The following TRPS1 variants were observed in gnomAD, a reference collection of about 807,000 sequenced individuals.
The protein encoded by TRPS1 is zinc finger transcription factor Trps1.
A neutral mutation model predicts 101.2 loss-of-function variants in TRPS1; 6 were observed. That is an observed-to-expected ratio of 0.06 (90% CI 0.03 to 0.12). The LOEUF (loss-of-function observed/expected upper bound fraction) is 0.12. TRPS1 is among the 10% of genes least tolerant of loss of function. TRPS1 has a pLI of 1.00. For missense variants in TRPS1, 1,363 were observed against 1,567.0 expected (o/e 0.87, Z 2.20); for synonymous variants, 578 against 589.8 (o/e 0.98, Z 0.29).
chr8:115,642,819 T>C (rs1419864447), intron 1 of TRPS1, among the ~76,000 whole-genome samples: 1 of 138,346 alleles, frequency 7.2e-6, no homozygotes, highest in Non-Finnish European at 1.5e-5. Context: ...TTTTATCTGA[T>C]AATAAAAGCA....
intron 3 of TRPS1, among the ~76,000 whole-genome samples, chr8:115,609,696 A>T (rs997150664): frequency 6.6e-6 from 1 of 152,188 alleles, no homozygotes; most frequent in Admixed American, 6.5e-5. Context: ...ATATAAAAAC[A>T]CCTAAAACAA....
At chr8:115,457,376 T>C (rs889544526) in intron 5 of TRPS1, among the ~76,000 whole-genome samples, 1 of 152,132 alleles carries the variant, frequency 6.6e-6, no homozygotes, top group Non-Finnish European at 1.5e-5. Context: ...GACAAGTATA[T>C]AGGATTCCAC....
At chr8:115,644,668 C>CA (rs1818980761) in intron 1 of TRPS1, among the ~76,000 whole-genome samples, 4 of 152,232 alleles carry the variant, frequency 2.6e-5, no homozygotes, top group Admixed American at 1.3e-4. Context: ...CCATGTGGCA[C>CA]AAGAGGCCTA....
At chr8:115,608,715 C>T (rs1818095594) in intron 3 of TRPS1, among the ~76,000 whole-genome samples, 1 of 151,598 alleles carries the variant, frequency 6.6e-6, no homozygotes, top group African/African-American at 2.4e-5. Flanking sequence ...CATAGCCTTC[C>T]TTGGCCAATA....
intron 3 of TRPS1, among the ~76,000 whole-genome samples, chr8:115,606,068 C>G (rs770864220): frequency 1.3e-5 from 2 of 152,182 alleles, no homozygotes; most frequent in African/African-American, 2.4e-5. Flanking sequence ...ATATATTAAG[C>G]AAGTGGCATA....
At chr8:115,476,546 C>T (rs985787924) in intron 5 of TRPS1, among the ~76,000 whole-genome samples, 1 of 152,136 alleles carries the variant, frequency 6.6e-6, no homozygotes, top group African/African-American at 2.4e-5. Flanking sequence ...CAACATATAG[C>T]CTGTGGCTCG....
chr8:115,445,794 G>T (rs1349277373), intron 5 of TRPS1, among the ~76,000 whole-genome samples: 1 of 151,906 alleles, frequency 6.6e-6, no homozygotes, highest in African/African-American at 2.4e-5. Flanking sequence ...AATTACTAAG[G>T]TAATACCTTA....
At chr8:115,550,350 G>A (rs1816674674) in intron 5 of TRPS1, among the ~76,000 whole-genome samples, 1 of 152,196 alleles carries the variant, frequency 6.6e-6, no homozygotes, top group African/African-American at 2.4e-5. Context: ...TCTTAAGTCA[G>A]ATACTGGTGG....
chr8:115,587,647 AG>A, intron 4 of TRPS1, 43 bp from the exon 5 acceptor site: 1 of 1,612,758 alleles, frequency 6.2e-7, no homozygotes, highest in South Asian at 1.1e-5. Context: ...AGCGTTCTGA[AG>A]GGTTGTTTTA....
At chr8:115,536,695 A>G (rs917296764) in intron 5 of TRPS1, among the ~76,000 whole-genome samples, 1 of 151,814 alleles carries the variant, frequency 6.6e-6, no homozygotes, top group African/African-American at 2.4e-5. Context: ...CCTGTTCACT[A>G]TCATCATCCC....
intron 5 of TRPS1, among the ~76,000 whole-genome samples, chr8:115,460,150 T>C (rs1814131179): frequency 1.3e-5 from 2 of 152,080 alleles, no homozygotes; most frequent in East Asian, 1.9e-4. Flanking sequence ...GACTTACACA[T>C]AGTGTTCAAT....
intron 1 of TRPS1, among the ~76,000 whole-genome samples, chr8:115,633,235 T>C (rs1818690126): frequency 6.6e-6 from 1 of 151,794 alleles, no homozygotes; most frequent in Non-Finnish European, 1.5e-5. Context: ...ACAAAAGGGA[T>C]TTCAAAGGGT....
intron 2 of TRPS1, among the ~76,000 whole-genome samples, chr8:115,622,462 T>G (rs761343824): frequency 6.6e-6 from 1 of 152,196 alleles, no homozygotes; most frequent in Non-Finnish European, 1.5e-5. Context: ...GGTTTTAACT[T>G]GGTCTACAGA....
At chr8:115,615,567 T>C (rs1224633719) in intron 3 of TRPS1, among the ~76,000 whole-genome samples, 1 of 152,138 alleles carries the variant, frequency 6.6e-6, no homozygotes. Context: ...GAGACCAGCC[T>C]GGCCAATATG....
intron 1 of TRPS1, among the ~76,000 whole-genome samples, chr8:115,632,494 GCA>G (rs150875542): frequency 1.3e-5 from 2 of 151,086 alleles, no homozygotes; most frequent in Non-Finnish European, 3.0e-5. Context: ...AAACACACGT[GCA>G]CACACACACA....
At chr8:115,430,929 A>C (rs938828153) in intron 5 of TRPS1, among the ~76,000 whole-genome samples, 12 of 152,024 alleles carry the variant, frequency 7.9e-5, no homozygotes, top group Admixed American at 2.0e-4. Flanking sequence ...TTAATTTTAT[A>C]TTAAAAAACT....
In TRPS1 at chr8:115,450,201, T is replaced by C. The variant is rs113925894; in HGVS notation, c.2701-31749A>G. Among the ~76,000 whole-genome samples, 3 of 152,336 alleles carry C rather than the reference T, an allele frequency of 2.0e-5. No individual in the cohort carries two copies. The South Asian group carries it at 6.2e-4, about 32-fold the overall frequency. On this transcript the variant is annotated intron_variant, in intron 5 of 6. Transcript: ENST00000395715. Reference sequence around the variant, plus strand: ...ATTAAAAATTTAAGTAAGTTATTTCTGAAATTTATTTCTTGCACCCACCTA... The same window carrying C: ...ATTAAAAATTTAAGTAAGTTATTTCCGAAATTTATTTCTTGCACCCACCTA...
At chr8:115,600,268 C>A (rs1277796205) in intron 4 of TRPS1, among the ~76,000 whole-genome samples, 1 of 152,000 alleles carries the variant, frequency 6.6e-6, no homozygotes, top group African/African-American at 2.4e-5. Flanking sequence ...GTATATACAT[C>A]TATTATTTGT....
At chr8:115,495,820 C>G (rs1815136035) in intron 5 of TRPS1, among the ~76,000 whole-genome samples, 1 of 152,136 alleles carries the variant, frequency 6.6e-6, no homozygotes, top group Admixed American at 6.6e-5. Context: ...GCTTATCATA[C>G]TGTTCAAACA....
Sources: gnomAD v4.1 joint callset for allele counts (sites outside exome capture counted in the v4.1 genomes callset) on GRCh38, gnomAD v4.1.1 for gene constraint, MANE v1.5 for transcripts, NCBI Gene and HGNC (gene_info 2026-07-23, HGNC 2026-07-21) for gene names.